The following TTLL11 variants were observed in gnomAD, a reference collection of about 807,000 sequenced individuals.
TTLL11 encodes the protein tubulin polyglutamylase TTLL11.
TTLL11 carries 42 observed loss-of-function variants against 51.7 expected under a neutral mutation model. The observed-to-expected ratio is 0.81, with a 90% CI of 0.64 to 1.05. TTLL11 has a LOEUF of 1.05. Among genes scored for constraint, TTLL11 ranks in the 50% least tolerant of loss-of-function variants. The pLI, the probability that TTLL11 is intolerant of heterozygous loss-of-function variation, is 0.00. For missense variants in TTLL11, 799 were observed against 940.4 expected (o/e 0.85, Z 1.97); for synonymous variants, 381 against 383.5 (o/e 0.99, Z 0.08).
At chr9:121,976,463 T>C (rs542460880) in intron 4 of TTLL11, among the ~76,000 whole-genome samples, 27 of 152,182 alleles carry the variant, frequency 1.8e-4, no homozygotes, top group African/African-American at 6.3e-4. Flanking sequence ...GCTACAGAAG[T>C]GATAATGCAG....
At chr9:121,951,556 G>A (rs1230492723) in intron 6 of TTLL11, among the ~76,000 whole-genome samples, 1 of 152,106 alleles carries the variant, frequency 6.6e-6, no homozygotes, top group Non-Finnish European at 1.5e-5. Flanking sequence ...CATGGGCCTG[G>A]CATTTTTAAT....
chr9:122,082,373 A>G (rs111900942), intron 1 of TTLL11, among the ~76,000 whole-genome samples: 1 of 152,044 alleles, frequency 6.6e-6, no homozygotes, highest in African/African-American at 2.4e-5. Context: ...ATAGTGGCAC[A>G]CACCTGTAAT....
chr9:121,961,328 T>G (rs1029966492), intron 6 of TTLL11, among the ~76,000 whole-genome samples: 1 of 152,202 alleles, frequency 6.6e-6, no homozygotes, highest in African/African-American at 2.4e-5. Flanking sequence ...AATACTTTCT[T>G]AGGAATAAGC....
chr9:121,971,545 G>C (rs1375675551), intron 6 of TTLL11, among the ~76,000 whole-genome samples: 3 of 137,254 alleles, frequency 2.2e-5, no homozygotes, highest in African/African-American at 7.7e-5. Flanking sequence ...CCCTCTGCCC[G>C]GCCACCACCC....
chr9:122,071,019 G>A (rs961938063), intron 1 of TTLL11, among the ~76,000 whole-genome samples: 2 of 152,084 alleles, frequency 1.3e-5, no homozygotes, highest in Non-Finnish European at 2.9e-5. Flanking sequence ...CCAGTGTCTC[G>A]GGCACTCCAT....
intron 3 of TTLL11, among the ~76,000 whole-genome samples, chr9:122,003,188 A>G (rs949569200): frequency 2.0e-5 from 3 of 152,094 alleles, no homozygotes; most frequent in Non-Finnish European, 4.4e-5. Context: ...TAGCATCAAT[A>G]TCTTCATCTG....
At chr9:121,883,080 G>A (rs1838858060) in intron 6 of TTLL11, among the ~76,000 whole-genome samples, 1 of 152,168 alleles carries the variant, frequency 6.6e-6, no homozygotes. Flanking sequence ...ACAAGAAAAT[G>A]GGCAGGGTGA....
chr9:121,985,679 G>C (rs984140064), intron 4 of TTLL11, among the ~76,000 whole-genome samples: 1 of 151,864 alleles, frequency 6.6e-6, no homozygotes, highest in African/African-American at 2.4e-5. Context: ...TCAACACCCG[G>C]CTAATTTTTT....
intron 2 of TTLL11, among the ~76,000 whole-genome samples, 182 bp downstream of exon 2, chr9:122,039,090 G>A (rs1179697748): frequency 6.6e-6 from 1 of 152,186 alleles, no homozygotes; most frequent in Non-Finnish European, 1.5e-5. Flanking sequence ...AAGAAAGCCT[G>A]CCTTTGAACC....
rs543180543 is a variant in TTLL11, at chr9:121,941,679, G to T, written c.1481+32330C>A. Among the ~76,000 whole-genome samples the T allele has an allele frequency of 1.2e-4, 19 of 152,246 alleles. 1 individual carries two copies. The highest frequency in any genetic ancestry group is 1.2e-3 in the Admixed American group (18 of 15,300). ...CCCAGCTCCCCTGCCCAGTGCTTTTGTTCAGAGGGCACACTTCTCATCTGC... is the reference window on the plus strand; with the variant it reads ...CCCAGCTCCCCTGCCCAGTGCTTTTTTTCAGAGGGCACACTTCTCATCTGC... On this transcript the variant is annotated intron_variant, in intron 6 of 8. Transcript: ENST00000321582.
intron 8 of TTLL11, among the ~76,000 whole-genome samples, chr9:121,846,070 TAAA>T (rs200219884): frequency 6.5e-4 from 73 of 112,520 alleles, no homozygotes; most frequent in African/African-American, 2.1e-3. Flanking sequence ...AAAAGATAGA[TAAA>T]AAAGCAAAGG....
chr9:121,942,457 G>A (rs528105170), intron 6 of TTLL11, among the ~76,000 whole-genome samples: 1 of 152,306 alleles, frequency 6.6e-6, no homozygotes, highest in East Asian at 1.9e-4. Context: ...TAAGCTGTTT[G>A]AAAGCGGGGA....
At chr9:122,017,895 A>G (rs1815108407) in intron 3 of TTLL11, among the ~76,000 whole-genome samples, 1 of 152,194 alleles carries the variant, frequency 6.6e-6, no homozygotes, top group Non-Finnish European at 1.5e-5. Flanking sequence ...TTTTAAAGAA[A>G]AAAGAAGCCT....
chr9:121,913,131 A>G (rs1474413251), intron 6 of TTLL11, among the ~76,000 whole-genome samples: 3 of 152,184 alleles, frequency 2.0e-5, no homozygotes, highest in Non-Finnish European at 4.4e-5. Context: ...AAGTCTCCCG[A>G]TGATTTCTTA....
In TTLL11 at chr9:122,093,250, G is replaced by A. The variant is rs1479176571; in HGVS notation, c.-102C>T. 6.6e-7 allele frequency: 1 copy of A among 1,510,648 alleles called. No individual in the cohort carries two copies. The highest frequency in any genetic ancestry group is 8.8e-7 in the Non-Finnish European group (1 of 1,142,120). 93.6% of individuals were successfully genotyped at this position (1,510,648 alleles called of 1,614,324 possible). On this transcript the variant is annotated 5_prime_UTR_variant, in exon 1 of 9. Transcript: ENST00000321582. ...CTGCCGCCGCTGCAGCCGCTGCCAC[G>A]CGTTCCCCGCCCGAGCCCGTTGCCA...
rs575707122 is a variant in TTLL11 at position 122,090,184 on chromosome 9, G to A, written c.462+2503C>T. On this transcript the variant is annotated intron_variant, in intron 1 of 8. Coordinates refer to ENST00000321582, the MANE Select transcript of TTLL11 (RefSeq NM_001139442.2). The stretch of plus-strand genomic sequence containing the variant: ...TCAACATTACCATTATGCGGCTACC[G>A]AAGTAGAAAGACTGGAAACTGCTGA... Among the ~76,000 whole-genome samples the A allele has an allele frequency of 5.3e-4, 80 of 149,926 alleles. No individual in the cohort carries two copies. In the Middle Eastern group the frequency reaches 0.01, roughly 19 times the overall value.
At position 121,822,677 on chromosome 9, in the gene TTLL11, G is replaced by A. The variant is rs1215652109; in HGVS notation, c.2043C>T (p.Pro681=). 1.3e-6 allele frequency: 2 copies of A among 1,544,666 alleles called. No homozygotes were observed. Among genetic ancestry groups the A allele is most frequent in the Non-Finnish European group, 8.7e-7 (1 of 1,144,654 alleles). ...CCCCTGCTGGCTGGGCCGAGGGGGA[G>A]GGCTCCTGGGGAGGGCCACGGTGTG... is the stretch of plus-strand genomic sequence containing the variant. ...RPPHRGPPQE[P]SPSAQPAGDN... is the part of the protein sequence containing the mutation. The change falls in exon 9 of 9, where the codon CCC becomes CCT. Residue 681 remains proline, a synonymous_variant. Coordinates refer to ENST00000321582, the MANE Select transcript of TTLL11 (RefSeq NM_001139442.2). This position sits in a 1 kb window ranked among gnomAD's most constrained non-coding sequence, Gnocchi z 5.8.
At chr9:121,886,823 C>T (rs1380296472) in intron 6 of TTLL11, among the ~76,000 whole-genome samples, 4 of 152,192 alleles carry the variant, frequency 2.6e-5, no homozygotes, top group African/African-American at 4.8e-5. Flanking sequence ...CATTCTCAGT[C>T]AATATCCTGG....
At chr9:121,862,943 C>T (rs1037386591) in intron 7 of TTLL11, among the ~76,000 whole-genome samples, 5 of 152,106 alleles carry the variant, frequency 3.3e-5, no homozygotes, top group South Asian at 2.1e-4. Context: ...CAAACCCAAG[C>T]GCACCCCTAA....
Sources: allele counts gnomAD v4.1 joint callset (sites outside exome capture counted in the v4.1 genomes callset), GRCh38; gene constraint gnomAD v4.1.1; non-coding constraint Gnocchi (gnomAD v3.1); transcripts MANE v1.5; gene names NCBI Gene and HGNC (gene_info 2026-07-23, HGNC 2026-07-21).